PKD1L1: variants seen among roughly 807,000 people sequenced by gnomAD.
PKD1L1 encodes polycystin 1 like 1, transient receptor potential channel interacting.
A neutral mutation model predicts 323.4 loss-of-function variants in PKD1L1; 236 were observed. The ratio of observed to expected loss-of-function variants is 0.73; its 90% CI spans 0.66 to 0.81. PKD1L1 has a LOEUF of 0.81. Among genes scored for constraint, PKD1L1 ranks in the 40% least tolerant of loss-of-function variants. The probability of loss-of-function intolerance (pLI) is 0.00; values close to 1 mark genes in which losing one functional copy is unlikely to be tolerated. For missense variants in PKD1L1, 3,320 were observed against 3,508.0 expected, an observed-to-expected ratio of 0.95 and a Z score of 1.35; for synonymous variants, 1,344 against 1,335.0, an observed-to-expected ratio of 1.01 and a Z score of -0.15.
intron 24 of PKD1L1, 94 bp downstream of exon 24, chr7:47,873,805 T>C: frequency 1.1e-6 from 1 of 870,008 alleles, no homozygotes; most frequent in South Asian, 1.8e-5. Flanking sequence ...GTTCCTGACA[T>C]GTTTTTGACG....
intron 11 of PKD1L1, 74 bp downstream of exon 11, chr7:47,905,083 A>G: frequency 1.3e-6 from 2 of 1,501,132 alleles, no homozygotes; most frequent in Non-Finnish European, 1.8e-6. Flanking sequence ...CTTCGGTAGC[A>G]GCATGGTGAT....
intron 1 of PKD1L1, among the ~76,000 whole-genome samples, chr7:47,947,304 G>C (rs1476268441): frequency 1.3e-5 from 2 of 152,326 alleles, no homozygotes; most frequent in Middle Eastern, 3.4e-3. Flanking sequence ...CATTCATCAA[G>C]GATACTGATT....
chr7:47,855,322 G>C (rs1785874785), intron 28 of PKD1L1, 57 bp from the exon 29 acceptor site: 1 of 1,343,730 alleles, frequency 7.4e-7, no homozygotes, highest in African/African-American at 1.5e-5. Context: ...ACTTAAGTGA[G>C]AAAAGCAGCA....
chr7:47,880,923 C>A, intron 20 of PKD1L1, 118 bp from the exon 21 acceptor site: 1 of 659,728 alleles, frequency 1.5e-6, no homozygotes, highest in Non-Finnish European at 2.4e-6. Flanking sequence ...AACATAGATA[C>A]TAGTGAAACA....
At chr7:47,808,964 C>T (rs1270378323) in intron 51 of PKD1L1, among the ~76,000 whole-genome samples, 2 of 150,896 alleles carry the variant, frequency 1.3e-5, no homozygotes, top group Non-Finnish European at 2.9e-5. Flanking sequence ...CTTACTGTAA[C>T]CCTTTTACTT....
intron 3 of PKD1L1, among the ~76,000 whole-genome samples, 153 bp from the exon 4 acceptor site, chr7:47,937,111 A>G (rs989449363): frequency 6.6e-6 from 1 of 152,146 alleles, no homozygotes; most frequent in African/African-American, 2.4e-5. Context: ...CAGCGAGGAA[A>G]GCAGACAGCT....
At chr7:47,811,720 G>A in intron 50 of PKD1L1, 97 bp downstream of exon 50, 1 of 928,078 alleles carries the variant, frequency 1.1e-6, no homozygotes, top group Non-Finnish European at 1.7e-6. Context: ...CAGGTGAATG[G>A]GTAGGGAACT....
intron 23 of PKD1L1, among the ~76,000 whole-genome samples, chr7:47,874,469 A>G (rs536617908): frequency 6.6e-6 from 1 of 152,204 alleles, no homozygotes; most frequent in African/African-American, 2.4e-5. Flanking sequence ...ATGTATCTTT[A>G]TAACAACATT....
At chr7:47,924,340 G>A (rs1787616302) in intron 7 of PKD1L1, among the ~76,000 whole-genome samples, 1 of 152,192 alleles carries the variant, frequency 6.6e-6, no homozygotes, top group African/African-American at 2.4e-5. Context: ...TTAGTTCCTT[G>A]GCAGGGATGT....
rs1185053796 is a variant in PKD1L1 at position 47,866,716 on chromosome 7, T to TGGACA, written c.3897-107_3897-103dup. ...TGGGATTTGTTGCAAAAATACCTCT[T>TGGACA]GGACAGGGCAGGGTAGAAAGAGAAT... On this transcript the variant is annotated intron_variant, in intron 24 of 56. Transcript: ENST00000289672. 6.4e-6 allele frequency: 6 copies of TGGACA among 934,864 alleles called. No individual in the cohort carries two copies. In the Admixed American group the frequency reaches 7.1e-5, roughly 11 times the overall value. The allele number at this position is 934,864 out of a possible 1,614,324, so 57.9% of individuals were successfully genotyped here. A position where few individuals can be genotyped will look rare whatever the true frequency, so the allele number is the denominator to read the frequency against.
chr7:47,931,875 T>C (rs989246369), intron 5 of PKD1L1, 61 bp downstream of exon 5: 9 of 1,566,212 alleles, frequency 5.7e-6, no homozygotes, highest in Non-Finnish European at 6.9e-6. Flanking sequence ...CTCCCCCATA[T>C]GCATCAGATG....
intron 7 of PKD1L1, 111 bp downstream of exon 7, chr7:47,929,093 G>T: frequency 1.7e-6 from 2 of 1,147,198 alleles, no homozygotes; most frequent in Non-Finnish European, 2.5e-6. Flanking sequence ...AAGGTTGGCT[G>T]AGTCCAGAGA....
chr7:47,854,404 G>T (rs1329257055), intron 30 of PKD1L1, among the ~76,000 whole-genome samples: 2 of 152,036 alleles, frequency 1.3e-5, no homozygotes, highest in Non-Finnish European at 2.9e-5. Flanking sequence ...GAATTTCAAA[G>T]AATCTTTTCA....
At chr7:47,940,760 C>A (rs558085112) in intron 2 of PKD1L1, among the ~76,000 whole-genome samples, 4 of 152,296 alleles carry the variant, frequency 2.6e-5, no homozygotes, top group African/African-American at 9.6e-5. Flanking sequence ...GATGTTCCCA[C>A]CCAGGCAATC....
intron 8 of PKD1L1, among the ~76,000 whole-genome samples, chr7:47,913,168 A>T (rs1391943743): frequency 6.6e-6 from 1 of 152,206 alleles, no homozygotes; most frequent in African/African-American, 2.4e-5. Context: ...CAGAGCCAGC[A>T]CACTGTCGTT....
intron 14 of PKD1L1, among the ~76,000 whole-genome samples, chr7:47,894,363 C>T (rs1786891250): frequency 6.6e-6 from 1 of 152,120 alleles, no homozygotes; most frequent in Non-Finnish European, 1.5e-5. Context: ...AGTTTTCAAA[C>T]CTCCTCCCTC....
chr7:47,828,845 G>T (rs533816109), intron 44 of PKD1L1, among the ~76,000 whole-genome samples: 4 of 152,304 alleles, frequency 2.6e-5, no homozygotes, highest in African/African-American at 7.2e-5. Flanking sequence ...CTGGGATTGG[G>T]TCCTTGGTCG....
chr7:47,816,222 C>T (rs1412717581), intron 46 of PKD1L1, among the ~76,000 whole-genome samples: 1 of 152,256 alleles, frequency 6.6e-6, no homozygotes, highest in African/African-American at 2.4e-5. Context: ...AGATGAAGTG[C>T]AGTGTTGGCA....
At chr7:47,794,460 C>T (rs1024682292) in intron 55 of PKD1L1, among the ~76,000 whole-genome samples, 16 of 152,164 alleles carry the variant, frequency 1.1e-4, no homozygotes, top group Non-Finnish European at 1.8e-4. Flanking sequence ...GGTATTGAGC[C>T]TATGGGTGCA....
Sources: gnomAD v4.1 joint callset for allele counts (sites outside exome capture counted in the v4.1 genomes callset) on GRCh38, gnomAD v4.1.1 for gene constraint, MANE v1.5 for transcripts, NCBI Gene and HGNC (gene_info 2026-07-23, HGNC 2026-07-21) for gene names.